Variants in FUBP1 observed in about 807,000 individuals in gnomAD.
FUBP1 encodes far upstream element binding protein 1.
Under a neutral mutation model 94.9 loss-of-function variants are expected in FUBP1, and 16 were observed. That is an observed-to-expected ratio of 0.17 (90% confidence interval 0.11 to 0.26). The LOEUF is 0.26. Among genes scored for constraint, FUBP1 ranks in the 10% least tolerant of loss-of-function variants. The pLI is 1.00. For missense variants in FUBP1, 583 were observed against 808.6 expected, an observed-to-expected ratio of 0.72 and a Z score of 3.38; for synonymous variants, 279 against 254.9, an observed-to-expected ratio of 1.09 and a Z score of -0.90.
chr1:77,950,362 G>A (rs1020879393), intron 18 of FUBP1, among the ~76,000 whole-genome samples: 5 of 152,128 alleles, frequency 3.3e-5, no homozygotes, highest in Admixed American at 6.5e-5. Flanking sequence ...GTTTTGCCAT[G>A]TTGTCCAGGC....
At chr1:77,951,607 T>C (rs1571228079) in intron 18 of FUBP1, among the ~76,000 whole-genome samples, 3 of 152,176 alleles carry the variant, frequency 2.0e-5, no homozygotes, top group Admixed American at 6.5e-5. Context: ...ACAGTGGCAG[T>C]GGTGTGATCA....
chr1:77,961,640 G>A (rs772945455), intron 14 of FUBP1, among the ~76,000 whole-genome samples: 2 of 152,168 alleles, frequency 1.3e-5, no homozygotes, highest in Non-Finnish European at 2.9e-5. Flanking sequence ...ACAGAATTCT[G>A]AACTGAGGCA....
Position 77,967,003 on chromosome 1 carries a change from T to C in FUBP1, c.343+46A>G, listed in dbSNP as rs893682887. ...TTTTTTTGGTTGAAAGATTCTAAAG[T>C]ATGTTTTGATCATGTTTTCAAAACT... On this transcript the variant is annotated intron_variant, in intron 5 of 19. Transcript: ENST00000370768. 7.1e-6 allele frequency: 11 copies of C among 1,540,694 alleles called. No individual in the cohort carries two copies. In the Middle Eastern group the frequency reaches 5.1e-4, roughly 71 times the overall value.
At chr1:77,951,033 C>T (rs868115666) in intron 18 of FUBP1, among the ~76,000 whole-genome samples, 1 of 152,114 alleles carries the variant, frequency 6.6e-6, no homozygotes, top group South Asian at 2.1e-4. Flanking sequence ...TCTTACAAGA[C>T]ACAATTCAAG....
rs1432924122 is a variant in FUBP1 at position 77,947,725 on chromosome 1, T to C, written c.*1041A>G. The C allele has an allele frequency of 3.6e-6, 2 of 558,150 alleles. No homozygotes were observed. The highest frequency in any genetic ancestry group is 4.3e-5 in the East Asian group (1 of 23,402). The allele number at this position is 558,150 out of a possible 1,614,324, so 34.6% of individuals were successfully genotyped here. ...ACTTCAAGTACATAAAAAAATTAAG[T>C]TGATTCAATGATTGGACTTGTGCAT... On this transcript the variant is annotated 3_prime_UTR_variant, in exon 20 of 20. Coordinates refer to ENST00000370768, the MANE Select transcript of FUBP1 (RefSeq NM_003902.5).
intron 16 of FUBP1, 42 bp from the exon 17 acceptor site, chr1:77,956,742 AATTCTCTC>A: frequency 6.4e-7 from 1 of 1,556,106 alleles, no homozygotes; most frequent in South Asian, 1.1e-5. Context: ...TGAAGTCTGT[AATTCTCTC>A]TCACACACAC....
intron 4 of FUBP1, 21 bp from the exon 5 acceptor site, chr1:77,967,122 C>A: frequency 6.8e-7 from 1 of 1,465,670 alleles, no homozygotes; most frequent in Non-Finnish European, 9.4e-7. Context: ...ACAGAAAGCA[C>A]CATTTTCCTT....
chr1:77,974,477 T>G (rs974653986), intron 1 of FUBP1, among the ~76,000 whole-genome samples: 1 of 152,104 alleles, frequency 6.6e-6, no homozygotes, highest in Admixed American at 6.5e-5. Flanking sequence ...CCATGTTGCC[T>G]AGGGTGGTCT....
At chr1:77,951,204 G>A (rs1653398828) in intron 18 of FUBP1, among the ~76,000 whole-genome samples, 1 of 152,196 alleles carries the variant, frequency 6.6e-6, no homozygotes, top group African/African-American at 2.4e-5. Flanking sequence ...ACTCATTTTA[G>A]AGGCAAATTA....
intron 18 of FUBP1, among the ~76,000 whole-genome samples, chr1:77,949,912 T>C (rs1030165781): frequency 6.6e-6 from 1 of 152,128 alleles, no homozygotes; most frequent in African/African-American, 2.4e-5. Context: ...TACAACACAA[T>C]GTTATTAAAA....
intron 18 of FUBP1, 87 bp from the exon 19 acceptor site, chr1:77,949,387 A>T: frequency 9.3e-7 from 1 of 1,075,382 alleles, no homozygotes; most frequent in Non-Finnish European, 1.4e-6. Flanking sequence ...TGCTTCTTGT[A>T]ATATTTCTCC....
At chr1:77,970,394 G>C (rs2102460515) in intron 1 of FUBP1, among the ~76,000 whole-genome samples, 1 of 152,300 alleles carries the variant, frequency 6.6e-6, no homozygotes, top group Non-Finnish European at 1.5e-5. Context: ...ATGCTATCTA[G>C]TAAGGTAGCC....
chr1:77,961,225 T>TC (rs1364677051), intron 14 of FUBP1, among the ~76,000 whole-genome samples: 3 of 152,204 alleles, frequency 2.0e-5, no homozygotes, highest in African/African-American at 7.2e-5. Context: ...CACTTAACTG[T>TC]CCTAAAATGC....
At chr1:77,967,700 T>C in intron 3 of FUBP1, 34 bp from the exon 4 acceptor site, 1 of 1,315,500 alleles carries the variant, frequency 7.6e-7, no homozygotes, top group Non-Finnish European at 1.1e-6. Context: ...AAAACAAAAA[T>C]TCAAAATTTA....
At position 77,946,775 on chromosome 1, in the gene FUBP1, C is replaced by T. The variant is rs146627789; in HGVS notation, c.*1991G>A. 168 of 205,832 alleles carry T rather than the reference C, an allele frequency of 8.2e-4. No homozygotes were observed. Among genetic ancestry groups the T allele is most frequent in the Middle Eastern group, 3.3e-3 (2 of 612 alleles). 12.8% of individuals were successfully genotyped at this position (205,832 alleles called of 1,614,324 possible). The stretch of plus-strand genomic sequence containing the variant: ...TCATGCAAAATACTGCAATTGTTCA[C>T]GTCAATACCCTACTCTTAAAGATAA... On this transcript the variant is annotated 3_prime_UTR_variant, in exon 20 of 20. Coordinates refer to ENST00000370768, the MANE Select transcript of FUBP1 (RefSeq NM_003902.5).
chr1:77,952,589 G>C (rs920097928), intron 18 of FUBP1, among the ~76,000 whole-genome samples: 6 of 152,174 alleles, frequency 3.9e-5, no homozygotes, highest in Admixed American at 3.3e-4. Context: ...TTGAGATAAA[G>C]ATATCTCCCT....
intron 12 of FUBP1, 30 bp downstream of exon 12, chr1:77,964,032 A>G (rs1478992127): frequency 7.6e-7 from 1 of 1,317,750 alleles, no homozygotes; most frequent in East Asian, 2.3e-5. Context: ...CATAAAAACA[A>G]AAAATGAAAA....
chr1:77,945,400 A>G lies in FUBP1; in HGVS notation c.*3366T>C, dbSNP rs1651946345. ...ATGGAACATTTAAGATCAAGTGAATAGCACTTTAAAATGAAAAGTGATCAA... is the reference window on the plus strand; with the variant it reads ...ATGGAACATTTAAGATCAAGTGAATGGCACTTTAAAATGAAAAGTGATCAA... On this transcript the variant is annotated 3_prime_UTR_variant, in exon 20 of 20. Coordinates refer to ENST00000370768, the MANE Select transcript of FUBP1 (RefSeq NM_003902.5). 4.7e-6 allele frequency: 1 copy of G among 212,588 alleles called. No homozygotes were observed. Among genetic ancestry groups the G allele is most frequent in the Admixed American group, 5.9e-5 (1 of 17,084 alleles). The allele number at this position is 212,588 out of a possible 1,614,324, so 13.2% of individuals were successfully genotyped here. A position where few individuals can be genotyped will look rare whatever the true frequency, so the allele number is the denominator to read the frequency against.
intron 1 of FUBP1, among the ~76,000 whole-genome samples, chr1:77,975,279 CAT>C (rs940498190): frequency 3.3e-5 from 5 of 152,108 alleles, no homozygotes; most frequent in African/African-American, 9.7e-5. Flanking sequence ...ATACACCAGA[CAT>C]GTGAAGAAAC....
Sources: gnomAD v4.1 joint callset for allele counts (sites outside exome capture counted in the v4.1 genomes callset) on GRCh38, gnomAD v4.1.1 for gene constraint, MANE v1.5 for transcripts, NCBI Gene and HGNC (gene_info 2026-07-23, HGNC 2026-07-21) for gene names.